Variants in BSPH1 observed in about 807,000 individuals in gnomAD.
BSPH1 encodes binder of sperm protein homolog 1, also known as binder of sperm 1.
A neutral mutation model predicts 22.5 loss-of-function variants in BSPH1; 21 were observed. That is an observed-to-expected ratio of 0.93 (90% confidence interval 0.66 to 1.35). The LOEUF is 1.35. BSPH1 is among the 40% of genes most tolerant of loss of function. The pLI is 0.00. For synonymous variants in BSPH1, 42 were observed against 53.6 expected (o/e 0.78, Z 0.95); for missense variants, 141 against 154.2 (o/e 0.91, Z 0.45).
At chr19:47,991,223 G>A (rs761398058) in intron 1 of BSPH1, among the ~76,000 whole-genome samples, 2 of 151,952 alleles carry the variant, frequency 1.3e-5, no homozygotes, top group East Asian at 1.9e-4. Flanking sequence ...ACCACACCGC[G>A]AATCAGGCAG....
chr19:47,973,044 C>T (rs139370042), intron 5 of BSPH1, among the ~76,000 whole-genome samples: 1,585 of 151,616 alleles, frequency 0.01, 27 homozygotes, highest in African/African-American at 0.036. Flanking sequence ...GGTGAAACCC[C>T]GTCTCTTCTA....
chr19:47,975,871 G>A (rs1311289313), intron 5 of BSPH1, among the ~76,000 whole-genome samples: 3 of 151,640 alleles, frequency 2.0e-5, no homozygotes, highest in Non-Finnish European at 4.4e-5. Context: ...TAGCCAGGAC[G>A]GTCTCGATCT....
chr19:47,987,432 T>TTGGAGTACAG (rs2122264617), intron 1 of BSPH1, among the ~76,000 whole-genome samples: 1 of 150,636 alleles, frequency 6.6e-6, no homozygotes, highest in East Asian at 2.0e-4. Context: ...GTCACCCAGG[T>TTGGAGTACAG]TGGAGTACAG....
Position 47,973,146 on chromosome 19 carries a change from G to A in BSPH1, c.*2+3564C>T, listed in dbSNP as rs560000326. On this transcript the variant is annotated intron_variant, in intron 5 of 5. Coordinates refer to ENST00000344839, the MANE Select transcript of BSPH1 (RefSeq NM_001128326.2). The stretch of plus-strand genomic sequence containing the variant: ...GCAGGAGAATGGTGTGAACCTGGGA[G>A]GCGGAGCTTGCAGTGAGCCGAGATC... 4.0e-3 allele frequency among the ~76,000 whole-genome samples: 602 copies of A among 151,458 alleles called. 7 individuals carry two copies. The highest frequency in any genetic ancestry group is 0.014 in the African/African-American group (576 of 41,352).
chr19:47,979,372 G>A (rs972291086), intron 3 of BSPH1, among the ~76,000 whole-genome samples, 198 bp downstream of exon 3: 1 of 152,032 alleles, frequency 6.6e-6, no homozygotes, highest in Non-Finnish European at 1.5e-5. Context: ...TTAAAGAGTA[G>A]ACACATTTAG....
At chr19:47,981,001 A>T in intron 1 of BSPH1, 60 bp from the exon 2 acceptor site, 2 of 896,162 alleles carry the variant, frequency 2.2e-6, no homozygotes, top group Non-Finnish European at 3.3e-6. Context: ...AGATGAAAGG[A>T]TTTCACCAAT....
intron 1 of BSPH1, among the ~76,000 whole-genome samples, chr19:47,987,385 C>CTTT (rs11289833): frequency 2.2e-5 from 3 of 137,024 alleles, no homozygotes; most frequent in Admixed American, 7.3e-5. Context: ...TTAGTACTTA[C>CTTT]TTTTTTTTTT....
chr19:47,988,000 A>G (rs1969486912), intron 1 of BSPH1, among the ~76,000 whole-genome samples: 1 of 152,096 alleles, frequency 6.6e-6, no homozygotes, highest in Non-Finnish European at 1.5e-5. Context: ...TGTCTCAAAA[A>G]CAAATAAAAT....
At chr19:47,970,440 C>T (rs1969301834) in intron 5 of BSPH1, among the ~76,000 whole-genome samples, 1 of 152,046 alleles carries the variant, frequency 6.6e-6, no homozygotes, top group African/African-American at 2.4e-5. Flanking sequence ...TATTTCTGTC[C>T]CAACATTGTA....
chr19:47,981,025 AG>A, intron 1 of BSPH1, 84 bp from the exon 2 acceptor site: 1 of 718,088 alleles, frequency 1.4e-6, no homozygotes, highest in Non-Finnish European at 2.2e-6. Context: ...TATTCTAGTA[AG>A]AATAATACTA....
At chr19:47,985,264 A>G (rs1969460207) in intron 1 of BSPH1, among the ~76,000 whole-genome samples, 1 of 152,090 alleles carries the variant, frequency 6.6e-6, no homozygotes, top group Non-Finnish European at 1.5e-5. Flanking sequence ...CAGAGGGGGA[A>G]AAATACCTTA....
chr19:47,974,686 A>G (rs2122242150), intron 5 of BSPH1, among the ~76,000 whole-genome samples: 1 of 151,728 alleles, frequency 6.6e-6, no homozygotes, highest in African/African-American at 2.4e-5. Context: ...CACGCTCTCA[A>G]TTCCAGGAAT....
chr19:47,969,680 A>G (rs969687187), intron 5 of BSPH1, among the ~76,000 whole-genome samples: 6 of 127,246 alleles, frequency 4.7e-5, no homozygotes, highest in African/African-American at 1.1e-4. Flanking sequence ...AGGCAGGGAG[A>G]GGGGGAGAGA....
chr19:47,990,118 C>CAAAAAAAAAAAAAAA (rs11329791), intron 1 of BSPH1, among the ~76,000 whole-genome samples: 1 of 99,648 alleles, frequency 1.0e-5, no homozygotes, highest in East Asian at 3.7e-4. Context: ...GACTCCATCT[C>CAAAAAAAAAAAAAAA]AAAAAAAAAA....
chr19:47,989,271 G>A (rs1969500977), intron 1 of BSPH1, among the ~76,000 whole-genome samples: 1 of 151,632 alleles, frequency 6.6e-6, no homozygotes, highest in Admixed American at 6.6e-5. Flanking sequence ...TCAGCCTCCT[G>A]AGTAGCTGGG....
At chr19:47,977,813 A>G (rs900699989) in intron 3 of BSPH1, 9 of 302,838 alleles carry the variant, frequency 3.0e-5, no homozygotes, top group African/African-American at 2.0e-4. Context: ...TATCTACCCA[A>G]CAATTCTTCC....
At chr19:47,985,037 A>G (rs1362756540) in intron 1 of BSPH1, among the ~76,000 whole-genome samples, 3 of 149,072 alleles carry the variant, frequency 2.0e-5, no homozygotes, top group African/African-American at 7.4e-5. Flanking sequence ...ACTGCACTCC[A>G]GTCTGGGCAA....
chr19:47,977,040 C>T (rs1028158587), intron 4 of BSPH1, among the ~76,000 whole-genome samples, 186 bp from the exon 5 acceptor site: 1 of 152,226 alleles, frequency 6.6e-6, no homozygotes, highest in African/African-American at 2.4e-5. Flanking sequence ...CACACACACA[C>T]GCGCAAATAC....
At chr19:47,974,190 A>G (rs1483542882) in intron 5 of BSPH1, among the ~76,000 whole-genome samples, 1 of 151,406 alleles carries the variant, frequency 6.6e-6, no homozygotes, top group Non-Finnish European at 1.5e-5. Flanking sequence ...GCAGGAGATT[A>G]AAGGGAAGAA....
Sources: allele counts gnomAD v4.1 joint callset (sites outside exome capture counted in the v4.1 genomes callset), GRCh38; gene constraint gnomAD v4.1.1; transcripts MANE v1.5; gene names NCBI Gene and HGNC (gene_info 2026-07-23, HGNC 2026-07-21).